The following COG5 variants were observed in gnomAD, a reference collection of about 807,000 sequenced individuals.
The protein encoded by COG5 is conserved oligomeric Golgi complex subunit 5.
Under a neutral mutation model 110.4 loss-of-function variants are expected in COG5, and 86 were observed. The ratio of observed to expected loss-of-function variants is 0.78; its 90% CI spans 0.65 to 0.93. COG5 has a LOEUF of 0.93. Ranked by LOEUF, COG5 falls within the 40% of genes least tolerant of loss-of-function variation. The probability of loss-of-function intolerance (pLI) is 0.00; values close to 1 mark genes in which losing one functional copy is unlikely to be tolerated. For missense variants in COG5, 1,077 were observed against 987.0 expected, an observed-to-expected ratio of 1.09 and a Z score of -1.22; for synonymous variants, 360 against 334.6, an observed-to-expected ratio of 1.08 and a Z score of -0.83.
At chr7:107,313,563 G>A (rs546233563) in intron 11 of COG5, among the ~76,000 whole-genome samples, 39 of 152,268 alleles carry the variant, frequency 2.6e-4, no homozygotes, top group African/African-American at 8.9e-4. Flanking sequence ...TGTGTCAGCA[G>A]TATAGTCATG....
intron 14 of COG5, among the ~76,000 whole-genome samples, chr7:107,262,472 G>A (rs1331815322): frequency 6.6e-6 from 1 of 152,138 alleles, no homozygotes; most frequent in African/African-American, 2.4e-5. Flanking sequence ...GCGGGGCAGG[G>A]TATTAAGAAT....
chr7:107,512,763 CT>C (rs1267033166), intron 6 of COG5, among the ~76,000 whole-genome samples: 33 of 152,252 alleles, frequency 2.2e-4, no homozygotes, highest in Admixed American at 6.5e-4. Context: ...ACCATCTGAT[CT>C]TTGACAAACC....
chr7:107,211,149 T>G lies in COG5; in HGVS notation c.2245A>C (p.Ile749Leu). ...LGDVIPFSII[I>L]QFLFTRAPAE... Reference sequence around the variant, plus strand: ...GGTGCTCTCGTGAACAAAAACTGAATAATGATGCTGAACGGAATCACATCC... The same window carrying G: ...GGTGCTCTCGTGAACAAAAACTGAAGAATGATGCTGAACGGAATCACATCC... Residue 749 changes from isoleucine (I) to leucine (L), a missense_variant, in exon 20 of 22, where the codon ATT becomes CTT. Ile to Leu is a conservative substitution (Grantham distance 5). Transcript: ENST00000297135. 6.2e-7 allele frequency: 1 copy of G among 1,614,104 alleles called. No individual in the cohort carries two copies. Among genetic ancestry groups the G allele is most frequent in the Non-Finnish European group, 8.5e-7 (1 of 1,179,978 alleles).
chr7:107,511,064 TAG>T (rs1799465377), intron 6 of COG5, among the ~76,000 whole-genome samples: 1 of 147,550 alleles, frequency 6.8e-6, no homozygotes, highest in South Asian at 2.1e-4. Flanking sequence ...CTGAAGGAAA[TAG>T]AGACACAAAA....
At chr7:107,346,794 C>T (rs867996094) in intron 10 of COG5, among the ~76,000 whole-genome samples, 2 of 151,950 alleles carry the variant, frequency 1.3e-5, no homozygotes, top group South Asian at 4.2e-4. Flanking sequence ...TGTTGGTGTG[C>T]TGCACCCATT....
intron 12 of COG5, among the ~76,000 whole-genome samples, chr7:107,285,120 T>C (rs2116824743): frequency 6.6e-6 from 1 of 152,328 alleles, no homozygotes; most frequent in Non-Finnish European, 1.5e-5. Context: ...CCAGGCACTT[T>C]GTAAAGTGCT....
At chr7:107,363,160 T>C (rs1051635915) in intron 8 of COG5, among the ~76,000 whole-genome samples, 2 of 152,140 alleles carry the variant, frequency 1.3e-5, no homozygotes, top group African/African-American at 4.8e-5. Context: ...CTCTATCCAC[T>C]GGAAAGTCAG....
intron 6 of COG5, among the ~76,000 whole-genome samples, chr7:107,436,849 A>G (rs1410763332): frequency 6.6e-6 from 1 of 152,228 alleles, no homozygotes; most frequent in Non-Finnish European, 1.5e-5. Context: ...CCTTGTTTAA[A>G]TAAAAAGTGT....
At chr7:107,295,937 T>C (rs961781536) in intron 12 of COG5, among the ~76,000 whole-genome samples, 2 of 152,068 alleles carry the variant, frequency 1.3e-5, no homozygotes, top group Admixed American at 6.6e-5. Flanking sequence ...ATTACAGGCA[T>C]GCACCACCAC....
At chr7:107,209,969 C>T in intron 21 of COG5, 1 of 990,040 alleles carries the variant, frequency 1.0e-6, no homozygotes, top group Non-Finnish European at 1.2e-6. Flanking sequence ...AGTTAAAGCA[C>T]CCCACCCTGG....
chr7:107,264,898 TA>T (rs1010859833), intron 14 of COG5, among the ~76,000 whole-genome samples: 7 of 151,302 alleles, frequency 4.6e-5, no homozygotes, highest in Admixed American at 4.6e-4. Context: ...CTGTGAACTG[TA>T]AAAAAAGAAA....
In COG5 at chr7:107,475,321, A is replaced by G. The variant is rs747418779; in HGVS notation, c.538+51916T>C. Reference sequence around the variant, plus strand: ...AAAAATTACCTTTGAAGATAGTGAAATAAGAGAAAAATGTTTAGTGCCTCA... The same window carrying G: ...AAAAATTACCTTTGAAGATAGTGAAGTAAGAGAAAAATGTTTAGTGCCTCA... On this transcript the variant is annotated intron_variant, in intron 6 of 21. Transcript: ENST00000297135. The G allele has an allele frequency of 7.0e-6, 11 of 1,570,674 alleles. No individual in the cohort carries two copies. In the South Asian group the frequency reaches 8.4e-5, roughly 12 times the overall value.
intron 6 of COG5, among the ~76,000 whole-genome samples, chr7:107,478,725 G>A (rs1017913684): frequency 6.6e-6 from 1 of 151,830 alleles, no homozygotes; most frequent in African/African-American, 2.4e-5. Flanking sequence ...TGGTGGTCTT[G>A]GGATGTATAC....
rs192525363 is a variant in COG5 at position 107,429,791 on chromosome 7, C to G, written c.539-17159G>C. ...AGGAGAGTTTCCCTGCACAAGTTCT[C>G]TTCTCTCATCTGCTGCCATGTGAGA... On this transcript the variant is annotated intron_variant, in intron 6 of 21. Transcript: ENST00000297135. Among the ~76,000 whole-genome samples the G allele has an allele frequency of 2.7e-3, 414 of 152,264 alleles. 2 individuals carry two copies. The highest frequency in any genetic ancestry group is 4.4e-3 in the Non-Finnish European group (298 of 68,010).
chr7:107,539,104 A>G (rs1466121969), intron 5 of COG5, among the ~76,000 whole-genome samples: 1 of 151,974 alleles, frequency 6.6e-6, no homozygotes, highest in Non-Finnish European at 1.5e-5. Context: ...ATAGTGAGAG[A>G]CACTGTCTAA....
chr7:107,217,406 T>C (rs926487647), intron 19 of COG5, among the ~76,000 whole-genome samples: 2 of 152,134 alleles, frequency 1.3e-5, no homozygotes, highest in African/African-American at 4.8e-5. Context: ...GAGGCCCTGA[T>C]ACTAAAGCCA....
intron 6 of COG5, among the ~76,000 whole-genome samples, chr7:107,492,205 A>G (rs1021219091): frequency 6.8e-5 from 5 of 73,420 alleles, no homozygotes; most frequent in African/African-American, 1.0e-4. Flanking sequence ...GTGTGTGTGT[A>G]GTTTATTTTG....
intron 6 of COG5, among the ~76,000 whole-genome samples, chr7:107,489,607 T>C (rs1257374040): frequency 4.6e-5 from 7 of 152,146 alleles, no homozygotes; most frequent in African/African-American, 1.7e-4. Flanking sequence ...GAAAAAAATC[T>C]ATGTTTAGTG....
intron 10 of COG5, among the ~76,000 whole-genome samples, chr7:107,352,504 TA>T (rs549809571): frequency 9.2e-5 from 12 of 130,266 alleles, no homozygotes; most frequent in East Asian, 4.3e-4. Context: ...AAGGTAATTG[TA>T]AAAAAAAAAC....
Sources: gnomAD v4.1 joint callset for allele counts (sites outside exome capture counted in the v4.1 genomes callset) on GRCh38, gnomAD v4.1.1 for gene constraint, MANE v1.5 for transcripts, NCBI Gene and HGNC (gene_info 2026-07-23, HGNC 2026-07-21) for gene names.